Variants in LDB2 observed in about 807,000 individuals in gnomAD.
LDB2 encodes LIM domain binding 2.
In LDB2, 12 loss-of-function variants were observed where a neutral mutation model predicts 44.3. That is an observed-to-expected ratio of 0.27 (90% CI 0.17 to 0.44). LDB2 has a LOEUF of 0.44. LDB2 is among the 20% of genes least tolerant of loss of function. The probability of loss-of-function intolerance (pLI) is 1.00; values close to 1 mark genes in which losing one functional copy is unlikely to be tolerated. For synonymous variants in LDB2, 164 were observed against 174.8 expected (o/e 0.94, Z 0.49); for missense variants, 344 against 473.5 (o/e 0.73, Z 2.54).
chr4:16,802,823 C>T (rs866369730), intron 1 of LDB2, among the ~76,000 whole-genome samples: 2 of 152,074 alleles, frequency 1.3e-5, no homozygotes, highest in African/African-American at 2.4e-5. Context: ...TCTAAGGGCT[C>T]GTATTAGCTC....
intron 2 of LDB2, among the ~76,000 whole-genome samples, chr4:16,706,330 A>G (rs1208767429): frequency 1.3e-5 from 2 of 152,202 alleles, no homozygotes; most frequent in African/African-American, 4.8e-5. Flanking sequence ...GATTAGTGCC[A>G]TTATAAAAGA....
At chr4:16,569,801 G>A (rs1299101456) in intron 5 of LDB2, among the ~76,000 whole-genome samples, 1 of 152,144 alleles carries the variant, frequency 6.6e-6, no homozygotes, top group Non-Finnish European at 1.5e-5. Flanking sequence ...TAATGCTTAA[G>A]TTGGAAAAGG....
In LDB2 at chr4:16,573,586, T is replaced by C. The variant is rs995845533; in HGVS notation, c.615+12336A>G. Among the ~76,000 whole-genome samples, 3 of 152,194 alleles carry C rather than the reference T, an allele frequency of 2.0e-5. No homozygotes were observed. In the East Asian group the frequency reaches 5.8e-4, roughly 29 times the overall value. ...CAGTTTAAAAGCCAGCAGTGACCCA[T>C]GGGCCACACTTTGAATAGCAGCTTT... On this transcript the variant is annotated intron_variant, in intron 5 of 7. Coordinates refer to ENST00000304523, the MANE Select transcript of LDB2 (RefSeq NM_001290.5).
intron 5 of LDB2, among the ~76,000 whole-genome samples, chr4:16,559,300 G>C (rs1041929981): frequency 6.6e-6 from 1 of 152,168 alleles, no homozygotes; most frequent in Non-Finnish European, 1.5e-5. Context: ...ATCCATCAGT[G>C]TGCTGTATTT....
intron 2 of LDB2, among the ~76,000 whole-genome samples, chr4:16,701,670 A>G (rs922579578): frequency 2.6e-5 from 4 of 152,234 alleles, no homozygotes; most frequent in Admixed American, 2.0e-4. Context: ...TACCAGTTCT[A>G]GTTAACTTCT....
chr4:16,504,798 A>G (rs1047466341), intron 7 of LDB2, among the ~76,000 whole-genome samples: 1 of 152,248 alleles, frequency 6.6e-6, no homozygotes, highest in African/African-American at 2.4e-5. Context: ...GATGACACTT[A>G]TGATCAAGAA....
intron 5 of LDB2, among the ~76,000 whole-genome samples, chr4:16,547,571 C>T (rs1280702546): frequency 6.6e-6 from 1 of 152,154 alleles, no homozygotes; most frequent in Admixed American, 6.5e-5. Flanking sequence ...GACACACATC[C>T]AGCCTAGGGC....
intron 1 of LDB2, among the ~76,000 whole-genome samples, chr4:16,827,872 C>T (rs1050581789): frequency 3.9e-5 from 6 of 152,156 alleles, no homozygotes; most frequent in Admixed American, 1.3e-4. Context: ...CCAGACCTCC[C>T]GACCCTTTCA....
chr4:16,584,580 G>T (rs997200819), intron 5 of LDB2, among the ~76,000 whole-genome samples: 1 of 152,232 alleles, frequency 6.6e-6, no homozygotes, highest in African/African-American at 2.4e-5. Flanking sequence ...ACATGGCAAA[G>T]AACCTGACAT....
chr4:16,521,564 A>G (rs1050490328), intron 5 of LDB2, among the ~76,000 whole-genome samples: 1 of 152,162 alleles, frequency 6.6e-6, no homozygotes, highest in Non-Finnish European at 1.5e-5. Flanking sequence ...GAGGGAGCCT[A>G]TTCAACCTAC....
intron 2 of LDB2, among the ~76,000 whole-genome samples, chr4:16,732,953 A>G (rs1251586109): frequency 1.3e-5 from 2 of 152,204 alleles, no homozygotes; most frequent in Non-Finnish European, 2.9e-5. Context: ...GGAAAGGCAT[A>G]GGGATGTTCA....
chr4:16,592,465 C>CATACATATATATAT (rs1260473942), intron 3 of LDB2, among the ~76,000 whole-genome samples: 1 of 116,600 alleles, frequency 8.6e-6, no homozygotes, highest in African/African-American at 3.6e-5. Flanking sequence ...ATTATACATA[C>CATACATATATATAT]ATATATATAT....
intron 2 of LDB2, among the ~76,000 whole-genome samples, chr4:16,638,910 G>A (rs1343460441): frequency 5.3e-5 from 8 of 152,176 alleles, no homozygotes; most frequent in South Asian, 2.1e-4. Context: ...ATTTGGAATC[G>A]GTAAGATCCT....
At chr4:16,695,043 GT>G (rs1458185654) in intron 2 of LDB2, among the ~76,000 whole-genome samples, 2 of 152,088 alleles carry the variant, frequency 1.3e-5, no homozygotes, top group Non-Finnish European at 2.9e-5. Context: ...TCGTTAGTTA[GT>G]TTTGCAAGTT....
chr4:16,752,564 G>A, intron 2 of LDB2: 5 of 351,516 alleles, frequency 1.4e-5, no homozygotes, highest in South Asian at 9.1e-5. Context: ...TGAAGTGGCT[G>A]TTGTCTCATA....
At chr4:16,786,374 G>A (rs963824258) in intron 1 of LDB2, among the ~76,000 whole-genome samples, 1 of 152,148 alleles carries the variant, frequency 6.6e-6, no homozygotes, top group African/African-American at 2.4e-5. Flanking sequence ...ATTTCAACTA[G>A]AATGTGAACT....
chr4:16,514,857 G>A lies in LDB2; in HGVS notation c.616-2753C>T, dbSNP rs116543758. Among the ~76,000 whole-genome samples the A allele has an allele frequency of 5.7e-3, 869 of 152,284 alleles. 9 individuals are homozygous for A. Among genetic ancestry groups the A allele is most frequent in the Non-Finnish European group, 8.4e-3 (574 of 68,026 alleles). On this transcript the variant is annotated intron_variant, in intron 5 of 7. Coordinates refer to ENST00000304523, the MANE Select transcript of LDB2 (RefSeq NM_001290.5). ...GTGAAAAAGGCAAGATTACTATAGA[G>A]TTAACTCCATATTCCAACATTATGA...
chr4:16,813,614 T>C (rs1780322947), intron 1 of LDB2, among the ~76,000 whole-genome samples: 1 of 152,132 alleles, frequency 6.6e-6, no homozygotes, highest in Admixed American at 6.5e-5. Context: ...CACTCTTAGA[T>C]ACATTATCTT....
intron 1 of LDB2, among the ~76,000 whole-genome samples, chr4:16,833,143 C>G (rs1784326115): frequency 1.3e-5 from 2 of 152,132 alleles, no homozygotes; most frequent in Admixed American, 1.3e-4. Flanking sequence ...ATCAAATATG[C>G]TTACTCAATT....
Sources: gnomAD v4.1 joint callset for allele counts (sites outside exome capture counted in the v4.1 genomes callset) on GRCh38, gnomAD v4.1.1 for gene constraint, MANE v1.5 for transcripts, NCBI Gene and HGNC (gene_info 2026-07-23, HGNC 2026-07-21) for gene names.